Variants in SLC25A21 observed in about 807,000 individuals in gnomAD.
The protein encoded by SLC25A21 is solute carrier family 25 member 21.
In SLC25A21, 47 loss-of-function variants were observed where a neutral mutation model predicts 43.8. The ratio of observed to expected loss-of-function variants is 1.07; its 90% confidence interval spans 0.85 to 1.37. The LOEUF is 1.37. Ranked by LOEUF, SLC25A21 falls within the 40% of genes most tolerant of loss-of-function variation. SLC25A21 has a pLI of 0.00. For missense variants in SLC25A21, 352 were observed against 350.2 expected, an observed-to-expected ratio of 1.00 and a Z score of -0.04; for synonymous variants, 131 against 121.3, an observed-to-expected ratio of 1.08 and a Z score of -0.52.
intron 3 of SLC25A21, among the ~76,000 whole-genome samples, chr14:36,770,742 A>T (rs1566596065): frequency 6.6e-6 from 1 of 152,160 alleles, no homozygotes; most frequent in Non-Finnish European, 1.5e-5. Context: ...TTTCTTACTT[A>T]GGTTACCTTT....
chr14:36,754,266 G>A (rs1034123179), intron 3 of SLC25A21, among the ~76,000 whole-genome samples: 3 of 152,094 alleles, frequency 2.0e-5, no homozygotes, highest in African/African-American at 4.8e-5. Flanking sequence ...GACCTTTCCT[G>A]GAGAAAGAGA....
intron 1 of SLC25A21, among the ~76,000 whole-genome samples, chr14:36,896,988 G>C (rs561885029): frequency 6.6e-6 from 1 of 151,872 alleles, no homozygotes; most frequent in Non-Finnish European, 1.5e-5. Flanking sequence ...ACTTCATTTC[G>C]ACTTTGGTGA....
intron 2 of SLC25A21, among the ~76,000 whole-genome samples, chr14:36,827,816 G>A (rs186416803): frequency 2.0e-4 from 31 of 152,202 alleles, no homozygotes; most frequent in Admixed American, 2.0e-3. Context: ...ACAGCTATGT[G>A]GTTTCTGAAA....
At chr14:36,999,278 A>G (rs1960436492) in intron 1 of SLC25A21, among the ~76,000 whole-genome samples, 2 of 152,184 alleles carry the variant, frequency 1.3e-5, no homozygotes, top group South Asian at 4.1e-4. Context: ...AGCCAATCTG[A>G]AAAGGTTACA....
At chr14:36,812,525 C>A (rs1189643675) in intron 3 of SLC25A21, among the ~76,000 whole-genome samples, 2 of 150,390 alleles carry the variant, frequency 1.3e-5, no homozygotes, top group Non-Finnish European at 3.0e-5. Context: ...CACAAATGTG[C>A]AAAGATAGTA....
intron 2 of SLC25A21, among the ~76,000 whole-genome samples, chr14:36,836,404 C>T (rs891378634): frequency 2.2e-4 from 33 of 152,194 alleles, no homozygotes; most frequent in Admixed American, 3.9e-4. Context: ...TCTTGTGATG[C>T]GTAAATAATG....
chr14:37,016,625 A>G (rs951596799), intron 1 of SLC25A21, among the ~76,000 whole-genome samples: 1 of 152,040 alleles, frequency 6.6e-6, no homozygotes, highest in South Asian at 2.1e-4. Flanking sequence ...AGCTCCTAAA[A>G]AGACAGTCAG....
intron 3 of SLC25A21, among the ~76,000 whole-genome samples, chr14:36,813,227 C>T (rs1018968287): frequency 6.6e-6 from 1 of 152,114 alleles, no homozygotes; most frequent in African/African-American, 2.4e-5. Context: ...CCCTCGCTTC[C>T]AACAGACACA....
intron 1 of SLC25A21, among the ~76,000 whole-genome samples, chr14:37,145,658 GA>G (rs1481631632): frequency 3.9e-5 from 6 of 152,008 alleles, no homozygotes; most frequent in African/African-American, 1.2e-4. Flanking sequence ...AGATGGGCTG[GA>G]AAAAACTACA....
At chr14:36,734,415 T>A in intron 4 of SLC25A21, 92 bp downstream of exon 4, 1 of 886,762 alleles carries the variant, frequency 1.1e-6, no homozygotes, top group East Asian at 2.8e-5. Flanking sequence ...TAGTGCTTTA[T>A]ATATAATTCA....
At chr14:37,003,413 C>A (rs1960530582) in intron 1 of SLC25A21, among the ~76,000 whole-genome samples, 1 of 152,068 alleles carries the variant, frequency 6.6e-6, no homozygotes, top group Admixed American at 6.6e-5. Context: ...TATTTTTAGA[C>A]CACAGTTGAC....
intron 1 of SLC25A21, among the ~76,000 whole-genome samples, chr14:37,036,013 T>G (rs868815447): frequency 1.3e-5 from 2 of 152,316 alleles, no homozygotes; most frequent in Non-Finnish European, 1.5e-5. Flanking sequence ...TGTATTCATT[T>G]CTCTTGGACA....
intron 7 of SLC25A21, among the ~76,000 whole-genome samples, chr14:36,696,897 A>G (rs1159560352): frequency 4.0e-5 from 6 of 151,606 alleles, no homozygotes; most frequent in Non-Finnish European, 8.8e-5. Context: ...GTTTTTTTGT[A>G]TCTCTATCTC....
In SLC25A21 at chr14:36,764,079, A is replaced by AGAAAGAAAGAAAGAAG. The variant is rs1555326615; in HGVS notation, c.204-29507_204-29506insCTTCTTTCTTTCTTTC. Among the ~76,000 whole-genome samples the AGAAAGAAAGAAAGAAG allele has an allele frequency of 9.8e-4, 41 of 41,850 alleles. No homozygotes were observed. In the East Asian group the frequency reaches 0.01, roughly 11 times the overall value. The allele number at this position is 41,850 out of a possible 152,430, so 27.5% of individuals were successfully genotyped here. ...AAGAAAGAAAGAAAGAAAGAAAGAA[A>AGAAAGAAAGAAAGAAG]GAAGGAAGGAAGGAAGGAAGGAAGG... On this transcript the variant is annotated intron_variant, in intron 3 of 9. Coordinates refer to ENST00000331299, the MANE Select transcript of SLC25A21 (RefSeq NM_030631.4).
intron 1 of SLC25A21, among the ~76,000 whole-genome samples, chr14:36,974,783 T>C (rs931014702): frequency 1.3e-5 from 2 of 152,130 alleles, no homozygotes; most frequent in Non-Finnish European, 2.9e-5. Flanking sequence ...TATAGTTTTC[T>C]AGGAATACAA....
At chr14:37,042,631 C>CAA (rs1961498711) in intron 1 of SLC25A21, among the ~76,000 whole-genome samples, 1 of 152,086 alleles carries the variant, frequency 6.6e-6, no homozygotes, top group African/African-American at 2.4e-5. Flanking sequence ...GAAAAGCATT[C>CAA]TTGACATTAC....
chr14:36,954,522 T>A (rs778513369), intron 1 of SLC25A21, among the ~76,000 whole-genome samples: 30 of 151,710 alleles, frequency 2.0e-4, no homozygotes, highest in Non-Finnish European at 4.1e-4. Context: ...TATATTTAAT[T>A]GGAATTATAT....
chr14:37,170,896 G>A (rs1400901684), intron 1 of SLC25A21, among the ~76,000 whole-genome samples: 2 of 149,330 alleles, frequency 1.3e-5, no homozygotes, highest in African/African-American at 4.9e-5. Flanking sequence ...ACCAGCCTGG[G>A]CAACATGGCG....
chr14:36,811,946 A>G (rs1007674658), intron 3 of SLC25A21, among the ~76,000 whole-genome samples: 1 of 152,178 alleles, frequency 6.6e-6, no homozygotes, highest in Non-Finnish European at 1.5e-5. Context: ...AAATCTTTAA[A>G]AATCACAAAT....
Sources: gnomAD v4.1 joint callset for allele counts (sites outside exome capture counted in the v4.1 genomes callset) on GRCh38, gnomAD v4.1.1 for gene constraint, MANE v1.5 for transcripts, NCBI Gene and HGNC (gene_info 2026-07-23, HGNC 2026-07-21) for gene names.